HOMER2: variants seen among roughly 807,000 people sequenced by gnomAD.
HOMER2 encodes homer protein homolog 2.
A neutral mutation model predicts 47.0 loss-of-function variants in HOMER2; 27 were observed. The observed-to-expected ratio is 0.57, with a 90% CI of 0.42 to 0.79. The LOEUF is 0.79. HOMER2 is among the 30% of genes least tolerant of loss of function. The pLI, the probability that HOMER2 is intolerant of heterozygous loss-of-function variation, is 0.00. For missense variants in HOMER2, 443 were observed against 435.0 expected (o/e 1.02, Z -0.16); for synonymous variants, 161 against 163.8 (o/e 0.98, Z 0.13).
upstream of HOMER2, among the ~76,000 whole-genome samples, chr15:82,956,239 CA>C (rs34193575): frequency 0.25 from 23,375 of 91,834 alleles, 1,880 homozygotes; most frequent in Admixed American, 0.29. Context: ...GACTCCATCT[CA>C]AAAAAAAAAA....
chr15:82,984,538 G>A (rs1485757585), intron 1 of HOMER2, among the ~76,000 whole-genome samples: 5 of 152,174 alleles, frequency 3.3e-5, no homozygotes, highest in Non-Finnish European at 5.9e-5. Context: ...ACAATGTGGG[G>A]CTGGGCTCCA....
intron 2 of HOMER2, among the ~76,000 whole-genome samples, chr15:82,890,049 G>C (rs189441060): frequency 6.1e-4 from 93 of 152,282 alleles, no homozygotes; most frequent in Middle Eastern, 3.4e-3. Flanking sequence ...ACTAAGGGAG[G>C]AACACGAGGT....
chr15:82,890,861 G>C (rs2052682013), intron 2 of HOMER2, among the ~76,000 whole-genome samples: 1 of 152,180 alleles, frequency 6.6e-6, no homozygotes, highest in African/African-American at 2.4e-5. Flanking sequence ...ATCCTGGAAA[G>C]AGTCCAGGCA....
intron 1 of HOMER2, among the ~76,000 whole-genome samples, chr15:82,960,578 G>A (rs942134704): frequency 1.3e-5 from 2 of 152,176 alleles, no homozygotes; most frequent in African/African-American, 4.8e-5. Context: ...ATAACTCCTT[G>A]CCAGTATACT....
intron 1 of HOMER2, among the ~76,000 whole-genome samples, chr15:82,979,255 G>C (rs2030311601): frequency 1.3e-5 from 2 of 152,154 alleles, no homozygotes; most frequent in Non-Finnish European, 2.9e-5. Flanking sequence ...AATACAGGGA[G>C]AGTGGCAAGA....
chr15:82,910,064 T>C (rs1300890085), intron 1 of HOMER2, among the ~76,000 whole-genome samples: 2 of 128,964 alleles, frequency 1.6e-5, no homozygotes, highest in Non-Finnish European at 3.1e-5. Flanking sequence ...ACCTGGGAGG[T>C]AGAAGTTGCA....
chr15:82,848,171 G>A (rs1025184076), downstream of HOMER2, among the ~76,000 whole-genome samples: 5 of 152,172 alleles, frequency 3.3e-5, no homozygotes, highest in African/African-American at 1.2e-4. Context: ...AAGGAGAGCA[G>A]GAGGACTCGT....
At position 82,852,207 on chromosome 15, in the gene HOMER2, CCTT is replaced by C. The variant is rs771205965; in HGVS notation, c.694_696del (p.Lys232del). ...CTCCTCTTCAGCTGCGTGTTCTTCT[CCTT>C]CTCTCTGTTGATCTCACTGCATTGT... On this transcript the variant is annotated inframe_deletion, in exon 7 of 9. Transcript: ENST00000450735. The C allele has an allele frequency of 3.1e-6, 5 of 1,613,874 alleles. No individual in the cohort carries two copies. The highest frequency in any genetic ancestry group is 2.2e-5 in the East Asian group (1 of 44,904).
chr15:82,864,245 GA>G lies in HOMER2; in HGVS notation c.308del (p.Phe103SerfsTer4). On this transcript the variant is annotated frameshift_variant, in exon 4 of 9. Coordinates refer to ENST00000450735, the MANE Select transcript of HOMER2 (RefSeq NM_004839.4). LOFTEE classifies it high-confidence loss of function. ...EQQLTKFAEK[F>X]QEVKEAAKIA... ...TCTTGGCAGCTTCTTTCACCTCCTG[GA>G]ATTTCTCTGCAAACTGAACATGAAG... The G allele has an allele frequency of 6.2e-7, 1 of 1,611,030 alleles. No individual in the cohort carries two copies. Among genetic ancestry groups the G allele is most frequent in the Non-Finnish European group, 8.5e-7 (1 of 1,178,274 alleles).
At chr15:82,973,959 G>A (rs112964888) in intron 1 of HOMER2, among the ~76,000 whole-genome samples, 82 of 152,262 alleles carry the variant, frequency 5.4e-4, no homozygotes, top group African/African-American at 1.8e-3. Flanking sequence ...CCAGCTACTC[G>A]GGAGGCTGAG....
chr15:82,907,788 C>A (rs558408621), intron 1 of HOMER2, among the ~76,000 whole-genome samples: 1 of 152,132 alleles, frequency 6.6e-6, no homozygotes, highest in South Asian at 2.1e-4. Context: ...TGTTTTCATA[C>A]CACAATGGAA....
chr15:82,952,008 A>G, intron 1 of HOMER2: 1 of 978,288 alleles, frequency 1.0e-6, no homozygotes, highest in Non-Finnish European at 1.2e-6. Context: ...CTGAAGCCTC[A>G]CCTAGGTTCC....
At chr15:82,866,051 A>C (rs2458017) in intron 3 of HOMER2, among the ~76,000 whole-genome samples, 1 of 152,060 alleles carries the variant, frequency 6.6e-6, no homozygotes, top group Non-Finnish European at 1.5e-5. Flanking sequence ...ACCCCAGAAT[A>C]GTAGATCAAC....
At chr15:82,865,117 GC>G (rs2051923880) in intron 3 of HOMER2, among the ~76,000 whole-genome samples, 1 of 152,218 alleles carries the variant, frequency 6.6e-6, no homozygotes, top group Non-Finnish European at 1.5e-5. Context: ...GGTGAACCCA[GC>G]ACCCTAGGGT....
At chr15:82,843,341 G>C (rs1165188943) in exon 2 of HOMER2, 4 of 149,660 alleles carry the variant, frequency 2.7e-5, no homozygotes, top group African/African-American at 9.9e-5. Context: ...TCAGGAGGGA[G>C]GTTGACACAT....
chr15:82,835,095 T>TTGA (rs1322217867), downstream of HOMER2: 2 of 151,766 alleles, frequency 1.3e-5, no homozygotes, highest in African/African-American at 4.9e-5. Context: ...AAAGTCCTGA[T>TTGA]TGATATAGAA....
chr15:82,850,676 A>G (rs562795981), intron 8 of HOMER2, among the ~76,000 whole-genome samples: 41 of 152,356 alleles, frequency 2.7e-4, no homozygotes, highest in African/African-American at 9.1e-4. Flanking sequence ...CGCCGTGTGC[A>G]TATCAGAGGA....
downstream of HOMER2, chr15:82,845,186 C>T (rs1241741743): frequency 6.6e-6 from 1 of 151,772 alleles, no homozygotes; most frequent in African/African-American, 2.4e-5. Context: ...CGCTTCCTTA[C>T]TGTTTCTCCC....
At chr15:82,865,652 G>A (rs572877716) in intron 3 of HOMER2, among the ~76,000 whole-genome samples, 5 of 152,272 alleles carry the variant, frequency 3.3e-5, no homozygotes, top group South Asian at 2.1e-4. Context: ...CTGTGTCCCC[G>A]AGCTTTGGCA....
Sources: gnomAD v4.1 joint callset for allele counts (sites outside exome capture counted in the v4.1 genomes callset) on GRCh38, gnomAD v4.1.1 for gene constraint, MANE v1.5 for transcripts, NCBI Gene and HGNC (gene_info 2026-07-23, HGNC 2026-07-21) for gene names.